Variants in TIAM2 observed in about 807,000 individuals in gnomAD.
The protein encoded by TIAM2 is TIAM Rac1 associated GEF 2, also known as rho guanine nucleotide exchange factor TIAM2.
Under a neutral mutation model 152.9 loss-of-function variants are expected in TIAM2, and 80 were observed. That is an observed-to-expected ratio of 0.52 (90% confidence interval 0.44 to 0.63). The LOEUF (loss-of-function observed/expected upper bound fraction) is 0.63. Among genes scored for constraint, TIAM2 ranks in the 30% least tolerant of loss-of-function variants. TIAM2 has a pLI of 0.00. For synonymous variants in TIAM2, 804 were observed against 838.0 expected, an observed-to-expected ratio of 0.96 and a Z score of 0.70; for missense variants, 1,965 against 2,120.1, an observed-to-expected ratio of 0.93 and a Z score of 1.44.
intron 2 of TIAM2, among the ~76,000 whole-genome samples, chr6:155,092,865 A>C (rs1049651800): frequency 2.6e-5 from 4 of 152,116 alleles, no homozygotes; most frequent in Non-Finnish European, 5.9e-5. Flanking sequence ...CAAAAAAATA[A>C]ATTTTATATT....
rs769364771 is a variant in TIAM2, at chr6:155,176,942, C to T, written c.2488C>T (p.His830Tyr). The T allele has an allele frequency of 3.2e-5, 51 of 1,613,044 alleles. No homozygotes were observed. The highest frequency in any genetic ancestry group is 4.2e-5 in the Non-Finnish European group (50 of 1,179,738). ...HGVTVGIKPE[H>Y]RVEDILTLAC... ...AGTTACTGTAGGGATCAAGCCAGAG[C>T]ACAGAGTAGAAGATATTTTGACTTT... Residue 830 changes from histidine to tyrosine, a missense_variant, in exon 10 of 27, where the codon CAC becomes TAC. His to Tyr is a moderately conservative substitution (Grantham distance 83, BLOSUM62 2). This residue lies in a region of TIAM2 where 1,025 missense variants were observed against 1,119.4 expected (regional missense o/e 0.92). Transcript: ENST00000682666.
chr6:155,089,278 C>T (rs1355280190), intron 1 of TIAM2, among the ~76,000 whole-genome samples: 4 of 151,940 alleles, frequency 2.6e-5, no homozygotes, highest in African/African-American at 7.3e-5. Context: ...AGTGCAGTGG[C>T]GCTATCTCAG....
At chr6:155,134,430 G>T (rs909654119) in intron 4 of TIAM2, among the ~76,000 whole-genome samples, 1 of 121,010 alleles carries the variant, frequency 8.3e-6, no homozygotes, top group East Asian at 2.4e-4. Context: ...AAAACTCCTT[G>T]CTTTGCTATG....
chr6:155,069,911 C>CTTTTTTTTTTT (rs36093906), intron 1 of TIAM2, among the ~76,000 whole-genome samples: 2 of 125,644 alleles, frequency 1.6e-5, no homozygotes, highest in South Asian at 2.6e-4. Flanking sequence ...CATTTCTTTT[C>CTTTTTTTTTTT]TTTTTTTTTT....
At chr6:155,062,136 G>T (rs926047841) in intron 1 of TIAM2, among the ~76,000 whole-genome samples, 20 of 135,260 alleles carry the variant, frequency 1.5e-4, no homozygotes, top group Non-Finnish European at 2.6e-4. Context: ...AGGGATTGAA[G>T]ATTTATCTGG....
At chr6:155,187,780 G>C (rs1238157439) in intron 14 of TIAM2, among the ~76,000 whole-genome samples, 1 of 151,870 alleles carries the variant, frequency 6.6e-6, no homozygotes, top group Non-Finnish European at 1.5e-5. Flanking sequence ...GTTTCTCCAT[G>C]TTGGTCAGGC....
At chr6:155,037,531 C>A (rs1255740821) in intron 1 of TIAM2, among the ~76,000 whole-genome samples, 1 of 151,974 alleles carries the variant, frequency 6.6e-6, no homozygotes, top group African/African-American at 2.4e-5. Context: ...GGTTTCTTTT[C>A]TTTTTTTATT....
At chr6:155,202,647 T>G (rs1362231102) in intron 14 of TIAM2, among the ~76,000 whole-genome samples, 3 of 150,584 alleles carry the variant, frequency 2.0e-5, no homozygotes, top group African/African-American at 2.4e-5. Context: ...GCTGGTCTTG[T>G]GAACTCCTGA....
Position 155,186,311 on chromosome 6 carries a change from C to T in TIAM2, c.3064+2811C>T, listed in dbSNP as rs757633873. On this transcript the variant is annotated intron_variant, in intron 14 of 26. Transcript: ENST00000682666. The surrounding 1 kb of genome is among the most constrained non-coding windows in gnomAD (Gnocchi z 4.5). ...CCCAGCCTCTTTACCCTGGTGGAAA[C>T]GGTTCTGAGGTGCAGTCTACACAGC... Among the ~76,000 whole-genome samples, 7 of 152,138 alleles carry T rather than the reference C, an allele frequency of 4.6e-5. No homozygotes were observed. The highest frequency in any genetic ancestry group is 1.9e-4 in the East Asian group (1 of 5,194).
At chr6:155,242,169 C>T (rs767884812) in intron 16 of TIAM2, among the ~76,000 whole-genome samples, 23 of 152,174 alleles carry the variant, frequency 1.5e-4, no homozygotes, top group Admixed American at 2.6e-4. Flanking sequence ...CGCAGCTCTG[C>T]GCGGACCTGA....
intron 1 of TIAM2, among the ~76,000 whole-genome samples, chr6:155,029,490 G>GTA (rs1776765207): frequency 3.2e-5 from 1 of 31,180 alleles, no homozygotes; most frequent in Admixed American, 6.7e-4. Context: ...ATATACTATA[G>GTA]TATATATTAT....
At chr6:155,196,963 G>T (rs1728748892) in intron 14 of TIAM2, among the ~76,000 whole-genome samples, 1 of 152,218 alleles carries the variant, frequency 6.6e-6, no homozygotes, top group East Asian at 1.9e-4. Flanking sequence ...TTTGTTACTT[G>T]TTGGTAGCTC....
Position 155,129,529 on chromosome 6 carries a change from T to C in TIAM2, c.306T>C (p.Asp102=). The change falls in exon 4 of 27, where the codon GAT becomes GAC. Residue 102 remains aspartate, a synonymous_variant. Coordinates refer to ENST00000682666, the MANE Select transcript of TIAM2 (RefSeq NM_012454.4). The surrounding 1 kb of genome is among the most constrained non-coding windows in gnomAD (Gnocchi z 4.8). The part of the protein sequence containing the change: ...STHRTNAPGK[D]FQGISAAFST... ...ACAGGACAAATGCCCCAGGGAAGGA[T>C]TTCCAGGGCATCAGTGCTGCTTTCT... The C allele has an allele frequency of 1.2e-6, 2 of 1,614,010 alleles. No homozygotes were observed. Among genetic ancestry groups the C allele is most frequent in the African/African-American group, 1.3e-5 (1 of 74,988 alleles).
intron 14 of TIAM2, among the ~76,000 whole-genome samples, chr6:155,205,654 G>T (rs562880659): frequency 1.5e-4 from 23 of 152,302 alleles, no homozygotes; most frequent in African/African-American, 5.3e-4. Flanking sequence ...TGAACCATAC[G>T]TAGCTGCCTG....
chr6:155,008,618 C>T (rs1778435623), intron 1 of TIAM2, among the ~76,000 whole-genome samples: 1 of 151,604 alleles, frequency 6.6e-6, no homozygotes, highest in African/African-American at 2.4e-5. Context: ...TAACCTGCTC[C>T]TTGCAGAGCA....
intron 2 of TIAM2, among the ~76,000 whole-genome samples, chr6:155,109,946 CTTTT>C (rs72211101): frequency 2.9e-5 from 4 of 138,868 alleles, no homozygotes; most frequent in Admixed American, 7.1e-5. Context: ...AATGCACAGA[CTTTT>C]TTTTTTTTTT....
chr6:155,117,864 CAT>C (rs768382421), intron 2 of TIAM2, among the ~76,000 whole-genome samples: 3 of 152,248 alleles, frequency 2.0e-5, no homozygotes, highest in Non-Finnish European at 4.4e-5. Flanking sequence ...TTCTGTCCCT[CAT>C]GGTGTCCAGC....
At position 155,240,600 on chromosome 6, in the gene TIAM2, G is replaced by C; in HGVS notation, c.3239G>C (p.Arg1080Pro). ...CAGGCCAACGGCATGGAAGGACCGC[G>C]GGAGAATCAGGATCCTCCTCCGAGG... is the stretch of plus-strand genomic sequence containing the variant. ...DSQANGMEGPRENQDPPPRSL... is the reference protein window; with the variant it reads ...DSQANGMEGPPENQDPPPRSL... Residue 1080 changes from arginine to proline, a missense_variant, in exon 16 of 27, where the codon CGG (arginine) becomes CCG (proline). Around this residue, in one of 3 missense-constraint regions of TIAM2, gnomAD observed 935 missense variants for 980.0 expected, o/e 0.95. Coordinates refer to ENST00000682666, the MANE Select transcript of TIAM2 (RefSeq NM_012454.4). 1 of 1,614,144 alleles carries C rather than the reference G, an allele frequency of 6.2e-7. No homozygotes were observed. The highest frequency in any genetic ancestry group is 1.1e-5 in the South Asian group (1 of 91,088).
chr6:155,161,654 A>T (rs1253705184), intron 7 of TIAM2, among the ~76,000 whole-genome samples: 1 of 143,090 alleles, frequency 7.0e-6, no homozygotes, highest in Non-Finnish European at 1.5e-5. Flanking sequence ...TGCAGCCTCC[A>T]CCTCCGGGGT....
Sources: gnomAD v4.1 joint callset for allele counts (sites outside exome capture counted in the v4.1 genomes callset) on GRCh38, gnomAD v4.1.1 for gene constraint, gnomAD v4.1.1 regional missense constraint, Gnocchi (gnomAD v3.1) non-coding constraint, MANE v1.5 for transcripts, NCBI Gene and HGNC (gene_info 2026-07-23, HGNC 2026-07-21) for gene names.